The following INSL6 variants were observed in gnomAD, a reference collection of about 807,000 sequenced individuals.
INSL6 encodes the protein insulin-like peptide INSL6.
INSL6 carries 16 observed loss-of-function variants against 9.4 expected under a neutral mutation model. The observed-to-expected ratio is 1.70, with a 90% CI of 1.15 to 2.59. INSL6 has a LOEUF of 2.59. INSL6 is among the 30% of genes most tolerant of loss of function. The pLI is 0.00. For missense variants in INSL6, 391 were observed against 257.3 expected (o/e 1.52, Z -3.56); for synonymous variants, 154 against 96.9 (o/e 1.59, Z -3.46).
At chr9:5,086,296 T>C in the INSL6 span, among the ~76,000 whole-genome samples, 105 of 152,290 alleles carry the variant, frequency 6.9e-4, no homozygotes, top group African/African-American at 2.4e-3. Flanking sequence ...ACCTGGAGCC[T>C]GAAACCTCTT....
the INSL6 span, among the ~76,000 whole-genome samples, chr9:5,086,487 CCAT>C: frequency 1.3e-5 from 2 of 152,104 alleles, no homozygotes; most frequent in Non-Finnish European, 2.9e-5. Context: ...TCCTCTCTTC[CCAT>C]CATTAGCTAA....
the INSL6 span, among the ~76,000 whole-genome samples, chr9:5,102,398 G>T: frequency 2.6e-5 from 4 of 152,186 alleles, no homozygotes; most frequent in Non-Finnish European, 5.9e-5. Context: ...TATGTGAAAA[G>T]ACCAAATCTA....
rs1037543807 is a variant in INSL6 at position 5,185,225 on chromosome 9, T to A, written c.289+89A>T. The A allele has an allele frequency of 3.2e-6, 5 of 1,543,516 alleles. No homozygotes were observed. In the African/African-American group the frequency reaches 6.8e-5, roughly 21 times the overall value. On this transcript the variant is annotated intron_variant, in intron 1 of 1. Transcript: ENST00000381641. ...CTGTGTACTAGGCACAAATTCCACT[T>A]CCTGGGGAAGCTCACCTTCTGGCAG...
At chr9:5,125,692 TA>T (rs1823939048) in intron 3 of INSL6, among the ~76,000 whole-genome samples, 1 of 82,106 alleles carries the variant, frequency 1.2e-5, no homozygotes, top group Non-Finnish European at 2.3e-5. Context: ...GCCAAGTTGA[TA>T]GGGGAGAAGT....
intron 1 of INSL6, among the ~76,000 whole-genome samples, chr9:5,184,213 A>C (rs1430070327): frequency 1.3e-5 from 2 of 152,194 alleles, no homozygotes; most frequent in African/African-American, 4.8e-5. Context: ...TCAGTCCTCT[A>C]CATTAGGGTC....
chr9:5,115,875 G>T, the INSL6 span, among the ~76,000 whole-genome samples: 1 of 152,156 alleles, frequency 6.6e-6, no homozygotes, highest in Non-Finnish European at 1.5e-5. Flanking sequence ...TATGGACACA[G>T]GGAGGGGAAC....
At chr9:4,997,195 G>A in the INSL6 span, among the ~76,000 whole-genome samples, 1 of 152,084 alleles carries the variant, frequency 6.6e-6, no homozygotes, top group Non-Finnish European at 1.5e-5. Context: ...GCCTCCCAAA[G>A]TGCTGGGATT....
chr9:5,182,694 A>G (rs1373265715), intron 1 of INSL6, among the ~76,000 whole-genome samples: 1 of 152,196 alleles, frequency 6.6e-6, no homozygotes, highest in African/African-American at 2.4e-5. Flanking sequence ...GAATATGGGA[A>G]TATGATTAAT....
In INSL6 at chr9:5,137,225, T is replaced by C. The variant is rs1824402699; in HGVS notation, c.377-3633A>G. 3.9e-5 allele frequency among the ~76,000 whole-genome samples: 6 copies of C among 152,172 alleles called. No homozygotes were observed. The South Asian group carries it at 1.2e-3, about 32-fold the overall frequency. On this transcript the variant is annotated intron_variant, in intron 2 of 3. Transcript: ENST00000649639. Reference sequence around the variant, plus strand: ...ATTTATAGATTCAATGCTACCACCATCAAGCTACCTTTGACTTTCTTCACA... The same window carrying C: ...ATTTATAGATTCAATGCTACCACCACCAAGCTACCTTTGACTTTCTTCACA...
intron 3 of INSL6, chr9:5,127,718 T>A (rs1824089589): frequency 8.6e-6 from 2 of 232,404 alleles, no homozygotes; most frequent in African/African-American, 2.2e-5. Flanking sequence ...TGAACTAAAT[T>A]TAAGCTTAAG....
downstream of INSL6, among the ~76,000 whole-genome samples, chr9:5,159,396 G>C (rs1824877701): frequency 6.6e-6 from 1 of 151,462 alleles, no homozygotes; most frequent in Non-Finnish European, 1.5e-5. Context: ...ACAACCTCTT[G>C]CCTACAAGAA....
chr9:5,055,864 A>G, the INSL6 span: 2 of 1,322,228 alleles, frequency 1.5e-6, no homozygotes. Context: ...TCTTAGTACC[A>G]AAATTATTTT....
intron 3 of INSL6, chr9:5,132,249 C>G (rs1824305777): frequency 6.6e-6 from 1 of 152,118 alleles, no homozygotes; most frequent in African/African-American, 2.4e-5. Context: ...ACAGAACAAT[C>G]CTTTTCTAAA....
chr9:5,082,788 T>C, the INSL6 span, among the ~76,000 whole-genome samples: 1 of 152,258 alleles, frequency 6.6e-6, no homozygotes, highest in African/African-American at 2.4e-5. Flanking sequence ...GTACACATTT[T>C]GTTAACAAGG....
At chr9:5,033,994 C>G in the INSL6 span, among the ~76,000 whole-genome samples, 1 of 152,078 alleles carries the variant, frequency 6.6e-6, no homozygotes, top group African/African-American at 2.4e-5. Flanking sequence ...TTCAGGAAAC[C>G]CATCTCACGT....
At chr9:5,176,267 A>C (rs1019753386) in intron 1 of INSL6, among the ~76,000 whole-genome samples, 1 of 152,118 alleles carries the variant, frequency 6.6e-6, no homozygotes, top group Non-Finnish European at 1.5e-5. Flanking sequence ...TCACCTTTTC[A>C]ATAATTGGTC....
the INSL6 span, chr9:5,044,383 A>G: frequency 5.3e-6 from 8 of 1,496,400 alleles, no homozygotes; most frequent in Non-Finnish European, 7.4e-6. Context: ...AGCTGACCAA[A>G]TGTTTTTATT....
chr9:5,184,243 T>G (rs556812015), intron 1 of INSL6, among the ~76,000 whole-genome samples: 1 of 152,268 alleles, frequency 6.6e-6, no homozygotes, highest in Non-Finnish European at 1.5e-5. Context: ...CATGATAGTT[T>G]ACTCATTTCC....
At chr9:5,008,233 TTA>T in the INSL6 span, among the ~76,000 whole-genome samples, 2 of 152,226 alleles carry the variant, frequency 1.3e-5, no homozygotes, top group East Asian at 1.9e-4. Flanking sequence ...GTTCCATTGT[TTA>T]TGTTTTGAAT....
Sources: gnomAD v4.1 joint callset for allele counts (sites outside exome capture counted in the v4.1 genomes callset) on GRCh38, gnomAD v4.1.1 for gene constraint, MANE v1.5 for transcripts, NCBI Gene and HGNC (gene_info 2026-07-23, HGNC 2026-07-21) for gene names.